WDR64: variants seen among roughly 807,000 people sequenced by gnomAD.
The protein encoded by WDR64 is WD repeat domain 64, also known as WD repeat-containing protein 64.
WDR64 carries 112 observed loss-of-function variants against 139.3 expected under a neutral mutation model. That is an observed-to-expected ratio of 0.80 (90% CI 0.69 to 0.94). The LOEUF (loss-of-function observed/expected upper bound fraction) is 0.94, where lower values mean the gene tolerates loss of function less well. WDR64 is among the 40% of genes least tolerant of loss of function. The pLI, the probability that WDR64 is intolerant of heterozygous loss-of-function variation, is 0.00. For missense variants in WDR64, 1,206 were observed against 1,293.1 expected, an observed-to-expected ratio of 0.93 and a Z score of 1.03; for synonymous variants, 444 against 437.7, an observed-to-expected ratio of 1.01 and a Z score of -0.18.
intron 6 of WDR64, among the ~76,000 whole-genome samples, chr1:241,682,141 C>T (rs981698902): frequency 6.6e-6 from 1 of 152,150 alleles, no homozygotes; most frequent in Non-Finnish European, 1.5e-5. Context: ...TAAGTCCCAG[C>T]TATTTATCTT....
At chr1:241,717,652 C>T (rs1668455722) in intron 9 of WDR64, among the ~76,000 whole-genome samples, 1 of 151,540 alleles carries the variant, frequency 6.6e-6, no homozygotes, top group Admixed American at 6.6e-5. Context: ...TAGAAAGCAA[C>T]AAAAAAACAG....
At chr1:241,775,425 A>G (rs1658625672) in intron 21 of WDR64, among the ~76,000 whole-genome samples, 1 of 152,244 alleles carries the variant, frequency 6.6e-6, no homozygotes. Flanking sequence ...CACTTAGGGC[A>G]AGGCATTGCC....
At chr1:241,694,917 A>G (rs935942652) in intron 8 of WDR64, among the ~76,000 whole-genome samples, 2 of 152,232 alleles carry the variant, frequency 1.3e-5, no homozygotes, top group African/African-American at 4.8e-5. Flanking sequence ...CAATACAAAT[A>G]TATCTAAGCC....
intron 19 of WDR64, among the ~76,000 whole-genome samples, 161 bp downstream of exon 19, chr1:241,771,858 T>A (rs1363178965): frequency 2.1e-5 from 3 of 146,104 alleles, no homozygotes; most frequent in African/African-American, 7.5e-5. Context: ...TACGTATATA[T>A]AATATACACA....
intron 9 of WDR64, among the ~76,000 whole-genome samples, chr1:241,720,203 T>A (rs186468727): frequency 6.6e-6 from 1 of 152,344 alleles, no homozygotes; most frequent in Non-Finnish European, 1.5e-5. Flanking sequence ...CCATCTATCA[T>A]CGATGGGTGT....
chr1:241,687,948 G>T (rs970561746), intron 8 of WDR64, among the ~76,000 whole-genome samples: 2 of 152,196 alleles, frequency 1.3e-5, no homozygotes, highest in Non-Finnish European at 2.9e-5. Context: ...CCAAGAGCTT[G>T]TGAGTATGAT....
intron 10 of WDR64, among the ~76,000 whole-genome samples, chr1:241,724,457 T>C (rs1192317647): frequency 6.6e-6 from 1 of 152,214 alleles, no homozygotes; most frequent in East Asian, 1.9e-4. Context: ...AATTAGTTTA[T>C]GTCTATGTGG....
rs1558470768 is a variant in WDR64, at chr1:241,683,537, T to C, written c.675T>C (p.Cys225=). The change falls in exon 7 of 28, where the codon TGT becomes TGC. Residue 225 remains cysteine (C), a synonymous_variant. Transcript: ENST00000437684. ...TGGATCACTGCCTCCTGTGTGTGTG[T>C]GTGGTGCCTTTGCCTGACCATCTCT... ...KPMDHCLLCV[C]VVPLPDHLCR... 6.4e-7 allele frequency: 1 copy of C among 1,551,846 alleles called. No individual in the cohort carries two copies. Among genetic ancestry groups the C allele is most frequent in the Non-Finnish European group, 8.7e-7 (1 of 1,147,020 alleles).
In WDR64 at chr1:241,741,602, G is replaced by A; in HGVS notation, c.1408G>A (p.Val470Ile). 2 of 1,613,394 alleles carry A rather than the reference G, an allele frequency of 1.2e-6. No homozygotes were observed. The highest frequency in any genetic ancestry group is 1.7e-6 in the Non-Finnish European group (2 of 1,179,826). ...VPHTHEREIN[V>I]MLYNKYFHQV... is the part of the protein sequence containing the mutation. ...TCACACTCATGAACGAGAAATCAAT[G>A]TCATGCTTTACAACAAATATTTTCA... Residue 470 changes from valine to isoleucine, a missense_variant, in exon 12 of 28, where the codon GTC becomes ATC. Val to Ile is a conservative substitution (Grantham distance 29). Coordinates refer to ENST00000437684, the MANE Select transcript of WDR64 (RefSeq NM_001367482.1).
chr1:241,784,721 C>T lies in WDR64; in HGVS notation c.2705+1340C>T, dbSNP rs1358943450. ...CTGTAATCCCAGCACTTTGGGAGGC[C>T]GAGGCGGGTGGATCACGAGGTCAGG... On this transcript the variant is annotated intron_variant, in intron 23 of 27. Transcript: ENST00000437684. 4.6e-5 allele frequency among the ~76,000 whole-genome samples: 7 copies of T among 151,522 alleles called. No homozygotes were observed. The South Asian group carries it at 1.0e-3, about 23-fold the overall frequency.
intron 1 of WDR64, among the ~76,000 whole-genome samples, chr1:241,657,469 T>G (rs1202525292): frequency 6.6e-6 from 1 of 152,180 alleles, no homozygotes; most frequent in Non-Finnish European, 1.5e-5. Flanking sequence ...CACAGCATTT[T>G]CCGCAGTCCT....
intron 23 of WDR64, among the ~76,000 whole-genome samples, chr1:241,784,319 A>ATC (rs1658955577): frequency 6.6e-6 from 1 of 152,206 alleles, no homozygotes; most frequent in Admixed American, 6.5e-5. Flanking sequence ...GTGGGAGCAA[A>ATC]GAGACCGGTT....
At position 241,694,643 on chromosome 1, in the gene WDR64, C is replaced by T. The variant is rs183880597; in HGVS notation, c.974+7048C>T. Among the ~76,000 whole-genome samples, 258 of 152,228 alleles carry T rather than the reference C, an allele frequency of 1.7e-3. 2 individuals are homozygous for T. Among genetic ancestry groups the T allele is most frequent in the African/African-American group, 5.8e-3 (241 of 41,560 alleles). Reference sequence around the variant, plus strand: ...TAACCATAAAGGAACACTGTGAAAACGTATGCAGATTGATATGCCCTTGTA... The same window carrying T: ...TAACCATAAAGGAACACTGTGAAAATGTATGCAGATTGATATGCCCTTGTA... On this transcript the variant is annotated intron_variant, in intron 8 of 27. Transcript: ENST00000437684.
At chr1:241,671,396 A>G (rs940502671) in intron 3 of WDR64, among the ~76,000 whole-genome samples, 2 of 152,192 alleles carry the variant, frequency 1.3e-5, no homozygotes, top group African/African-American at 4.8e-5. Flanking sequence ...GACACTAAAT[A>G]GAGAATGTGA....
At chr1:241,786,725 T>C (rs1022145775) in intron 23 of WDR64, among the ~76,000 whole-genome samples, 2 of 152,180 alleles carry the variant, frequency 1.3e-5, no homozygotes, top group Non-Finnish European at 1.5e-5. Context: ...ATACAGCCCA[T>C]TCTAAGGCCT....
chr1:241,679,618 C>A, intron 6 of WDR64, 23 bp downstream of exon 6: 2 of 1,538,312 alleles, frequency 1.3e-6, no homozygotes, highest in South Asian at 2.4e-5. Context: ...GAGAAATACT[C>A]AAAGAAATGA....
intron 2 of WDR64, among the ~76,000 whole-genome samples, chr1:241,668,379 G>T (rs894894307): frequency 1.3e-5 from 2 of 151,590 alleles, no homozygotes; most frequent in African/African-American, 2.4e-5. Context: ...GTGGTGGCAG[G>T]ATTGTGGAAA....
chr1:241,718,879 C>G (rs1015702486), intron 9 of WDR64, among the ~76,000 whole-genome samples: 12 of 152,056 alleles, frequency 7.9e-5, no homozygotes, highest in Admixed American at 2.6e-4. Flanking sequence ...GCTGGTGTCT[C>G]TTCTAATAAG....
rs1161658871 is a variant in WDR64 at position 241,802,132 on chromosome 1, A to C, written c.*917A>C. The C allele has an allele frequency of 2.5e-6, 1 of 398,104 alleles. No homozygotes were observed. The highest frequency in any genetic ancestry group is 3.6e-5 in the East Asian group (1 of 27,942). The allele number at this position is 398,104 out of a possible 1,614,324, so 24.7% of individuals were successfully genotyped here. A position where few individuals can be genotyped will look rare whatever the true frequency, so the allele number is the denominator to read the frequency against. The stretch of plus-strand genomic sequence containing the variant: ...TTATAAAGTTATTAATAATAACTCA[A>C]AAAAGGAAAAAGCCTAGTTTCCACA... On this transcript the variant is annotated 3_prime_UTR_variant, in exon 28 of 28. Transcript: ENST00000437684.
Sources: gnomAD v4.1 joint callset for allele counts (sites outside exome capture counted in the v4.1 genomes callset) on GRCh38, gnomAD v4.1.1 for gene constraint, MANE v1.5 for transcripts, NCBI Gene and HGNC (gene_info 2026-07-23, HGNC 2026-07-21) for gene names.